MBP: variants seen among roughly 807,000 people sequenced by gnomAD.
MBP encodes the protein myelin basic protein, also known as Golli-MBP.
MBP carries 16 observed loss-of-function variants against 35.8 expected under a neutral mutation model. The observed-to-expected ratio is 0.45, with a 90% confidence interval of 0.30 to 0.68. MBP has a LOEUF of 0.68. Ranked by LOEUF, MBP falls within the 30% of genes least tolerant of loss-of-function variation. The pLI is 0.08. For missense variants in MBP, 380 were observed against 404.7 expected, an observed-to-expected ratio of 0.94 and a Z score of 0.52; for synonymous variants, 143 against 159.6, an observed-to-expected ratio of 0.90 and a Z score of 0.78.
At chr18:77,060,207 G>A (rs1284630698) in intron 3 of MBP, among the ~76,000 whole-genome samples, 1 of 152,092 alleles carries the variant, frequency 6.6e-6, no homozygotes, top group African/African-American at 2.4e-5. Flanking sequence ...TCCAGTATAT[G>A]GCACGGCACA....
chr18:77,130,867 T>A (rs1977220321), intron 1 of MBP, among the ~76,000 whole-genome samples: 1 of 151,850 alleles, frequency 6.6e-6, no homozygotes, highest in South Asian at 2.1e-4. Flanking sequence ...CTGTGATACT[T>A]CTGGAGGATT....
chr18:76,998,769 G>A (rs1484038260), intron 4 of MBP, among the ~76,000 whole-genome samples: 1 of 152,154 alleles, frequency 6.6e-6, no homozygotes. Flanking sequence ...CCTGTGGGTG[G>A]CTGGTTGCAG....
intron 1 of MBP, among the ~76,000 whole-genome samples, chr18:77,125,166 C>T (rs1977010695): frequency 6.6e-6 from 1 of 152,214 alleles, no homozygotes. Context: ...TTGTCATTGT[C>T]ATGCTCTTAC....
At chr18:77,084,925 T>C (rs1019702296) in intron 2 of MBP, among the ~76,000 whole-genome samples, 1 of 150,240 alleles carries the variant, frequency 6.7e-6, no homozygotes, top group Admixed American at 6.7e-5. Context: ...TTAAGTAAAA[T>C]AAGAAGGATG....
In MBP at chr18:76,989,177, TG is replaced by T; in HGVS notation, c.682-266del. On this transcript the variant is annotated intron_variant, in intron 5 of 8. Transcript: ENST00000355994. The surrounding 1 kb of genome is among the most constrained non-coding windows in gnomAD (Gnocchi z 4.0). Reference sequence around the variant, plus strand: ...TCCCAGAGGCTCCGTAGCTGGGGAATGGGCCCATCTTGGGACACTGAGGGAG... The same window carrying T: ...TCCCAGAGGCTCCGTAGCTGGGGAATGGCCCATCTTGGGACACTGAGGGAG... The T allele has an allele frequency of 1.5e-6, 1 of 650,890 alleles. No individual in the cohort carries two copies. Among genetic ancestry groups the T allele is most frequent in the South Asian group, 1.5e-5 (1 of 64,702 alleles). 40.3% of individuals were successfully genotyped at this position (650,890 alleles called of 1,614,324 possible).
In MBP at chr18:77,105,328, C is replaced by T. The variant is rs367647163; in HGVS notation, c.-25-42G>A. On this transcript the variant is annotated intron_variant, in intron 1 of 8. Transcript: ENST00000355994. The stretch of plus-strand genomic sequence containing the variant: ...AAGTGTCAGCCCTAAGTCTAGTGCT[C>T]TTAGAGTTTTCGATGTTGTTTTTCC... 372 of 1,267,428 alleles carry T rather than the reference C, an allele frequency of 2.9e-4. 1 individual carries two copies. Among genetic ancestry groups the T allele is most frequent in the Middle Eastern group, 1.5e-3 (8 of 5,336 alleles). 78.5% of individuals were successfully genotyped at this position (1,267,428 alleles called of 1,614,324 possible).
chr18:76,984,979 C>T (rs575013529), intron 7 of MBP, 85 bp from the exon 8 acceptor site: 273 of 1,577,058 alleles, frequency 1.7e-4, no homozygotes, highest in Middle Eastern at 9.2e-4. Context: ...ACCAGGGCCC[C>T]GGGGAAGGGC....
At chr18:77,110,868 A>G (rs1976426122) in intron 1 of MBP, among the ~76,000 whole-genome samples, 1 of 152,214 alleles carries the variant, frequency 6.6e-6, no homozygotes, top group Admixed American at 6.5e-5. Flanking sequence ...TCCACTTGGG[A>G]AAGTCTTAAC....
At chr18:77,075,236 T>C (rs1974605843) in intron 2 of MBP, among the ~76,000 whole-genome samples, 1 of 152,228 alleles carries the variant, frequency 6.6e-6, no homozygotes, top group South Asian at 2.1e-4. Context: ...TCAAATAGGG[T>C]GCATTTATTA....
chr18:77,083,205 G>A (rs1368805646), intron 2 of MBP, among the ~76,000 whole-genome samples: 1 of 152,108 alleles, frequency 6.6e-6, no homozygotes, highest in African/African-American at 2.4e-5. Context: ...GACCTCAAGT[G>A]ATCTGCCCGC....
intron 3 of MBP, among the ~76,000 whole-genome samples, chr18:77,034,206 G>C (rs1286478551): frequency 6.6e-6 from 1 of 152,130 alleles, no homozygotes; most frequent in East Asian, 1.9e-4. Context: ...CTTGAAGACA[G>C]AGGGGACCAT....
chr18:77,015,222 C>T, intron 4 of MBP: 2 of 985,258 alleles, frequency 2.0e-6, no homozygotes, highest in Non-Finnish European at 2.4e-6. Flanking sequence ...TTTTATAATA[C>T]ATATTATCCA....
intron 4 of MBP, chr18:77,012,987 T>G (rs1164637589): frequency 1.0e-6 from 1 of 985,336 alleles, no homozygotes; most frequent in Non-Finnish European, 1.2e-6. Flanking sequence ...TCCAGTCTAA[T>G]TAACTATCGT....
intron 2 of MBP, among the ~76,000 whole-genome samples, chr18:77,076,706 TA>T (rs933843267): frequency 6.6e-6 from 1 of 152,192 alleles, no homozygotes; most frequent in Non-Finnish European, 1.5e-5. Flanking sequence ...CCACTCAAGT[TA>T]AAAACATGTT....
intron 3 of MBP, among the ~76,000 whole-genome samples, chr18:77,061,810 T>C (rs763765825): frequency 2.6e-5 from 4 of 152,262 alleles, no homozygotes; most frequent in Non-Finnish European, 5.9e-5. Flanking sequence ...CACCAATATA[T>C]GTACTTAAAT....
intron 4 of MBP, chr18:77,005,536 C>G (rs994961484): frequency 6.6e-6 from 1 of 152,234 alleles, no homozygotes; most frequent in African/African-American, 2.4e-5. Context: ...GCAGATGACT[C>G]GGAGCTGATG....
intron 4 of MBP, among the ~76,000 whole-genome samples, chr18:76,997,540 C>T (rs1318646204): frequency 6.6e-6 from 1 of 152,220 alleles, no homozygotes; most frequent in Non-Finnish European, 1.5e-5. Context: ...CCGGAGACTC[C>T]AGACCTGGGT....
intron 2 of MBP, among the ~76,000 whole-genome samples, chr18:77,084,890 T>C (rs1975157405): frequency 6.6e-6 from 1 of 152,114 alleles, no homozygotes; most frequent in Non-Finnish European, 1.5e-5. Context: ...CATTTATTCC[T>C]GGAAGCCACC....
At chr18:77,130,983 T>A (rs1014884579) in intron 1 of MBP, among the ~76,000 whole-genome samples, 4 of 150,934 alleles carry the variant, frequency 2.7e-5, no homozygotes, top group African/African-American at 7.3e-5. Context: ...TTTACAGCAA[T>A]TTTTAACTGT....
Sources: gnomAD v4.1 joint callset for allele counts (sites outside exome capture counted in the v4.1 genomes callset) on GRCh38, gnomAD v4.1.1 for gene constraint, Gnocchi (gnomAD v3.1) non-coding constraint, MANE v1.5 for transcripts, NCBI Gene and HGNC (gene_info 2026-07-23, HGNC 2026-07-21) for gene names.